Variants in ANKAR observed in about 807,000 individuals in gnomAD.
ANKAR encodes the protein ankyrin and armadillo repeat containing, also known as ankyrin and armadillo repeat-containing protein.
Under a neutral mutation model 146.2 loss-of-function variants are expected in ANKAR, and 136 were observed. That is an observed-to-expected ratio of 0.93 (90% CI 0.81 to 1.07). The LOEUF is 1.07. ANKAR is among the 50% of genes least tolerant of loss of function. The probability of loss-of-function intolerance (pLI) is 0.00; values close to 1 mark genes in which losing one functional copy is unlikely to be tolerated. For missense variants in ANKAR, 1,567 were observed against 1,679.9 expected, an observed-to-expected ratio of 0.93 and a Z score of 1.18; for synonymous variants, 500 against 575.8, an observed-to-expected ratio of 0.87 and a Z score of 1.88.
intron 18 of ANKAR, chr2:189,752,807 T>C (rs1425474171): frequency 6.2e-7 from 1 of 1,613,224 alleles, no homozygotes; most frequent in African/African-American, 1.3e-5. Context: ...GCAATTAATA[T>C]TTACATAGTT....
rs200463123 is a variant in ANKAR, at chr2:189,677,081, T to G, written c.591T>G (p.Phe197Leu). 2.7e-4 allele frequency: 419 copies of G among 1,548,576 alleles called. 2 individuals are homozygous for G. Among genetic ancestry groups the G allele is most frequent in the Non-Finnish European group, 7.6e-5 (88 of 1,155,288 alleles). The stretch of plus-strand genomic sequence containing the variant: ...CAAATAAAGACATTTTTTCAGAGTT[T>G]AGTTCAGCAGGTAAGAGAATTTAAC... The part of the protein sequence containing the change: ...PQTNKDIFSE[F>L]SSAGLTDITK... The change falls in exon 2 of 23, where the codon TTT becomes TTG. Residue 197 changes from phenylalanine to leucine, a missense_variant. Phe to Leu is a conservative substitution (Grantham distance 22). Transcript: ENST00000684021.
intron 12 of ANKAR, among the ~76,000 whole-genome samples, chr2:189,722,338 CAA>C (rs10687526): frequency 1.6e-5 from 2 of 128,438 alleles, no homozygotes; most frequent in African/African-American, 3.0e-5. Flanking sequence ...GACTCCATCT[CAA>C]AAAAAAAAAG....
At chr2:189,754,346 C>G in intron 18 of ANKAR, 1 of 1,594,974 alleles carries the variant, frequency 6.3e-7, no homozygotes, top group Non-Finnish European at 8.5e-7. Flanking sequence ...TTCTTGCCAC[C>G]TATCAAAGAA....
rs144409416 is a variant in ANKAR, at chr2:189,688,808, C to A, written c.602-719C>A. 2.6e-5 allele frequency among the ~76,000 whole-genome samples: 4 copies of A among 152,134 alleles called. No homozygotes were observed. In the East Asian group the frequency reaches 5.8e-4, roughly 22 times the overall value. On this transcript the variant is annotated intron_variant, in intron 2 of 22. Transcript: ENST00000684021. ...GCATTACAATTAGGCCCTTATTATACGTCAGAAAGTGAAGCAGGGACTTGA... is the reference window on the plus strand; with the variant it reads ...GCATTACAATTAGGCCCTTATTATAAGTCAGAAAGTGAAGCAGGGACTTGA...
At chr2:189,676,190 C>T (rs1427207080) in intron 1 of ANKAR, among the ~76,000 whole-genome samples, 1 of 152,144 alleles carries the variant, frequency 6.6e-6, no homozygotes, top group East Asian at 1.9e-4. Flanking sequence ...ATAAACTTAA[C>T]GTTTCTTTTT....
Position 189,743,355 on chromosome 2 carries a change from G to A in ANKAR, c.3891G>A (p.Arg1297=), listed in dbSNP as rs1411594971. 1.2e-6 allele frequency: 2 copies of A among 1,613,822 alleles called. No individual in the cohort carries two copies. Among genetic ancestry groups the A allele is most frequent in the Admixed American group, 3.3e-5 (2 of 59,986 alleles). The change falls in exon 21 of 23, where the codon AGG becomes AGA. Residue 1297 remains arginine (R), a synonymous_variant. Transcript: ENST00000684021. ...TCCGCATCCTATTAAAAGAATGCAG[G>A]AATAAACCTAATCAGTTCATTCGTA... The part of the protein sequence containing the change: ...NAFRILLKEC[R]NKPNQFIRIK...
Position 189,738,610 on chromosome 2 carries a change from TTGTC to T in ANKAR, c.3631_3634del (p.Ser1211GlnfsTer7). ...CATTAGAGATATGGACCATATTACT[TTGTC>T]TGCAAGAGGTGTTACTATTTTAGTT... On this transcript the variant is annotated frameshift_variant, in exon 19 of 23. Transcript: ENST00000684021. LOFTEE classifies it high-confidence loss of function. 6.2e-7 allele frequency: 1 copy of T among 1,612,466 alleles called. No homozygotes were observed. Among genetic ancestry groups the T allele is most frequent in the Non-Finnish European group, 8.5e-7 (1 of 1,179,044 alleles).
intron 15 of ANKAR, among the ~76,000 whole-genome samples, chr2:189,729,378 G>A (rs2042182338): frequency 6.6e-6 from 1 of 152,226 alleles, no homozygotes; most frequent in East Asian, 1.9e-4. Context: ...GCAAACAAGA[G>A]GAAAAATCTT....
chr2:189,750,141 T>TA (rs912830935), downstream of ANKAR, among the ~76,000 whole-genome samples: 5 of 151,264 alleles, frequency 3.3e-5, no homozygotes, highest in Non-Finnish European at 7.4e-5. Context: ...ATAATAATGA[T>TA]AAAAAAAAAT....
chr2:189,726,675 G>A (rs530964933), intron 12 of ANKAR, among the ~76,000 whole-genome samples: 13 of 152,082 alleles, frequency 8.5e-5, no homozygotes, highest in Non-Finnish European at 1.8e-4. Flanking sequence ...ATCCTGTACT[G>A]GAAGAAAGTA....
At chr2:189,734,744 G>T (rs938470466) in intron 17 of ANKAR, among the ~76,000 whole-genome samples, 1 of 152,000 alleles carries the variant, frequency 6.6e-6, no homozygotes. Flanking sequence ...TGGGCAGATC[G>T]CTTGAGATCA....
At chr2:189,675,854 ACT>A (rs2033536227) in intron 1 of ANKAR, 1 of 151,940 alleles carries the variant, frequency 6.6e-6, no homozygotes, top group Admixed American at 6.6e-5. Context: ...GGCAGAGTGA[ACT>A]CTACCTCTGA....
chr2:189,699,738 C>A (rs2037778913), intron 7 of ANKAR, among the ~76,000 whole-genome samples: 1 of 152,186 alleles, frequency 6.6e-6, no homozygotes, highest in African/African-American at 2.4e-5. Flanking sequence ...TGGCTCACTG[C>A]AACTTCCGCC....
intron 2 of ANKAR, among the ~76,000 whole-genome samples, chr2:189,684,158 A>T (rs2035165478): frequency 6.6e-6 from 1 of 152,198 alleles, no homozygotes; most frequent in Non-Finnish European, 1.5e-5. Context: ...AGAAATATTG[A>T]GAAAAAATGG....
chr2:189,727,894 G>A lies in ANKAR; in HGVS notation c.2674G>A (p.Val892Ile). 1.2e-6 allele frequency: 2 copies of A among 1,614,004 alleles called. No individual in the cohort carries two copies. Among genetic ancestry groups the A allele is most frequent in the Non-Finnish European group, 1.7e-6 (2 of 1,179,932 alleles). Residue 892 changes from valine (V) to isoleucine (I), a missense_variant, in exon 13 of 23, where the codon GTT becomes ATT. Transcript: ENST00000684021. ...KAVSSAAIAE[V>I]GRDNKEIQDA... Reference sequence around the variant, plus strand: ...TGTATCTTCTGCTGCAATTGCTGAGGTTGGGCGTGACAATAAGGAAATTCA... The same window carrying A: ...TGTATCTTCTGCTGCAATTGCTGAGATTGGGCGTGACAATAAGGAAATTCA...
Position 189,689,728 on chromosome 2 carries a change from G to T in ANKAR, c.803G>T (p.Trp268Leu). The change falls in exon 3 of 23, where the codon TGG (tryptophan) becomes TTG (leucine). Residue 268 changes from tryptophan (W) to leucine (L), a missense_variant. Physicochemically the swap from Trp to Leu is moderately conservative, Grantham distance 61. Transcript: ENST00000684021. ...ENVFIFETGY[W>L]LTNAIKYNQD... ...GTCTTTATATTTGAAACAGGCTATT[G>T]GCTTACTAATGCTATAAAATATAAT... The T allele has an allele frequency of 6.2e-7, 1 of 1,613,136 alleles. No individual in the cohort carries two copies. Among genetic ancestry groups the T allele is most frequent in the South Asian group, 1.1e-5 (1 of 91,004 alleles).
At chr2:189,678,623 TGAG>T (rs1290535047) in intron 2 of ANKAR, among the ~76,000 whole-genome samples, 1 of 152,160 alleles carries the variant, frequency 6.6e-6, no homozygotes, top group Non-Finnish European at 1.5e-5. Context: ...AGGTGAGAGA[TGAG>T]GATCCAGTTT....
downstream of ANKAR, chr2:189,762,476 A>T (rs1276625929): frequency 1.7e-6 from 1 of 592,814 alleles, no homozygotes. Flanking sequence ...CACAACCTAG[A>T]GGAATTAGAT....
intron 18 of ANKAR, chr2:189,754,783 A>G (rs1047603516): frequency 2.0e-5 from 5 of 247,406 alleles, no homozygotes; most frequent in Non-Finnish European, 3.8e-5. Flanking sequence ...TCTGTGGTGT[A>G]AGTAATTGTG....
Sources: allele counts gnomAD v4.1 joint callset (sites outside exome capture counted in the v4.1 genomes callset), GRCh38; gene constraint gnomAD v4.1.1; transcripts MANE v1.5; gene names NCBI Gene and HGNC (gene_info 2026-07-23, HGNC 2026-07-21).